The following IL7 variants were observed in gnomAD, a reference collection of about 807,000 sequenced individuals.
IL7 encodes the protein interleukin 7.
In IL7, 3 loss-of-function variants were observed where a neutral mutation model predicts 21.6. The ratio of observed to expected loss-of-function variants is 0.14; its 90% CI spans 0.06 to 0.36. IL7 has a LOEUF of 0.36. IL7 is among the 10% of genes least tolerant of loss of function. IL7 has a pLI of 1.00. For synonymous variants in IL7, 62 were observed against 68.1 expected, an observed-to-expected ratio of 0.91 and a Z score of 0.44; for missense variants, 175 against 200.2, an observed-to-expected ratio of 0.87 and a Z score of 0.76.
chr8:78,704,242 G>A (rs1478883015), intron 3 of IL7, among the ~76,000 whole-genome samples: 1 of 151,900 alleles, frequency 6.6e-6, no homozygotes, highest in East Asian at 1.9e-4. Context: ...ACAAAAATTA[G>A]CCGGGTGTGG....
chr8:78,781,502 C>G (rs1813329878), intron 2 of IL7, among the ~76,000 whole-genome samples: 1 of 152,154 alleles, frequency 6.6e-6, no homozygotes, highest in African/African-American at 2.4e-5. Context: ...ATATGAAATT[C>G]TGGTTAGAAA....
chr8:78,707,519 T>C (rs1334062510), intron 3 of IL7, among the ~76,000 whole-genome samples: 1 of 152,236 alleles, frequency 6.6e-6, no homozygotes, highest in East Asian at 1.9e-4. Flanking sequence ...ACATACCTGG[T>C]TACTAATGGA....
chr8:78,737,498 G>A (rs1586054475), intron 4 of IL7, among the ~76,000 whole-genome samples: 3 of 152,050 alleles, frequency 2.0e-5, no homozygotes, highest in South Asian at 4.1e-4. Flanking sequence ...GGGGACAAAC[G>A]TAAGGACGCA....
intron 5 of IL7, among the ~76,000 whole-genome samples, chr8:78,736,147 G>T (rs1263089434): frequency 1.4e-5 from 2 of 147,960 alleles, no homozygotes; most frequent in Non-Finnish European, 3.0e-5. Flanking sequence ...TCATGTATTT[G>T]TCATCTAGTT....
chr8:78,802,379 A>T (rs1586121849), intron 1 of IL7, among the ~76,000 whole-genome samples: 1 of 152,198 alleles, frequency 6.6e-6, no homozygotes, highest in Non-Finnish European at 1.5e-5. Context: ...ATAGATGGAG[A>T]ATCTGGGGCA....
intron 3 of IL7, among the ~76,000 whole-genome samples, chr8:78,725,727 T>C (rs1811328377): frequency 6.6e-6 from 1 of 151,992 alleles, no homozygotes; most frequent in South Asian, 2.1e-4. Flanking sequence ...CAGACTGAAT[T>C]TAAGAAGTAT....
At chr8:78,681,317 A>G (rs1302506568) in intron 4 of IL7, among the ~76,000 whole-genome samples, 1 of 152,230 alleles carries the variant, frequency 6.6e-6, no homozygotes, top group Admixed American at 6.5e-5. Context: ...ATATTAGCTC[A>G]GCATTGATAA....
rs551672206 is a variant in IL7 at position 78,689,999 on chromosome 8, T to C, written n.215-4052A>G. ...GTATAGTGTGAAGTAAGGGGCAGTTTTTCCTTTTGTTTTCTATGTGGATAT... is the reference window on the plus strand; with the variant it reads ...GTATAGTGTGAAGTAAGGGGCAGTTCTTCCTTTTGTTTTCTATGTGGATAT... On this transcript the variant is annotated intron_variant and non_coding_transcript_variant, in intron 3 of 4. Transcript: ENST00000523959. Among the ~76,000 whole-genome samples, 9 of 152,308 alleles carry C rather than the reference T, an allele frequency of 5.9e-5. No individual in the cohort carries two copies. The East Asian group carries it at 1.5e-3, about 26-fold the overall frequency.
downstream of IL7, chr8:78,715,377 G>T (rs779424018): frequency 6.6e-7 from 1 of 1,508,924 alleles, no homozygotes; most frequent in Non-Finnish European, 9.0e-7. Flanking sequence ...TTGAGTATAT[G>T]ATAGTTTTCC....
downstream of IL7, among the ~76,000 whole-genome samples, chr8:78,729,275 T>G (rs1362136102): frequency 1.3e-5 from 2 of 152,002 alleles, no homozygotes; most frequent in Non-Finnish European, 2.9e-5. Context: ...GGGTATATGC[T>G]CCATGAAGGC....
intron 4 of IL7, among the ~76,000 whole-genome samples, chr8:78,682,994 C>G (rs1563623936): frequency 6.6e-6 from 1 of 152,346 alleles, no homozygotes; most frequent in East Asian, 1.9e-4. Context: ...CCTTTGACTC[C>G]ATGTCTCACA....
At chr8:78,779,189 A>G (rs1238363081) in intron 2 of IL7, among the ~76,000 whole-genome samples, 1 of 152,154 alleles carries the variant, frequency 6.6e-6, no homozygotes, top group Non-Finnish European at 1.5e-5. Context: ...TCATCGGCAA[A>G]CAGTTTGACT....
At chr8:78,752,118 C>A (rs1812193288) in intron 2 of IL7, among the ~76,000 whole-genome samples, 1 of 152,062 alleles carries the variant, frequency 6.6e-6, no homozygotes, top group African/African-American at 2.4e-5. Flanking sequence ...TTTTTTTATA[C>A]CTGAAGGTTA....
chr8:78,763,885 T>C (rs574983999), intron 2 of IL7, among the ~76,000 whole-genome samples: 4 of 152,208 alleles, frequency 2.6e-5, no homozygotes, highest in Non-Finnish European at 4.4e-5. Flanking sequence ...AATAAAACTA[T>C]AGACAAGTAC....
At chr8:78,767,633 G>A (rs1812797696) in intron 2 of IL7, among the ~76,000 whole-genome samples, 1 of 151,976 alleles carries the variant, frequency 6.6e-6, no homozygotes, top group South Asian at 2.1e-4. Flanking sequence ...GGTGAAACAA[G>A]TTATTTTTGT....
intron 3 of IL7, among the ~76,000 whole-genome samples, chr8:78,703,471 A>G (rs1810671680): frequency 1.3e-5 from 2 of 150,784 alleles, no homozygotes; most frequent in African/African-American, 2.4e-5. Context: ...TGTTGGGTAC[A>G]TTTGTATTTA....
intron 2 of IL7, among the ~76,000 whole-genome samples, chr8:78,756,440 C>A (rs1812351308): frequency 6.6e-6 from 1 of 151,894 alleles, no homozygotes; most frequent in Admixed American, 6.6e-5. Flanking sequence ...ATAAAGCCAT[C>A]TGGTCCTGGG....
intron 4 of IL7, among the ~76,000 whole-genome samples, chr8:78,682,854 G>A (rs977970752): frequency 6.6e-6 from 1 of 152,066 alleles, no homozygotes; most frequent in Admixed American, 6.5e-5. Context: ...GATACAATAG[G>A]GATACAGACA....
chr8:78,714,874 T>G (rs1185946717), downstream of IL7, among the ~76,000 whole-genome samples: 4 of 152,200 alleles, frequency 2.6e-5, no homozygotes, highest in Admixed American at 2.6e-4. Context: ...TTAACCATTA[T>G]CCGTAAGCAT....
Sources: allele counts gnomAD v4.1 joint callset (sites outside exome capture counted in the v4.1 genomes callset), GRCh38; gene constraint gnomAD v4.1.1; transcripts MANE v1.5; gene names NCBI Gene and HGNC (gene_info 2026-07-23, HGNC 2026-07-21).